The following CDH18 variants were observed in gnomAD, a reference collection of about 807,000 sequenced individuals.
CDH18 encodes the protein cadherin 18.
CDH18 carries 31 observed loss-of-function variants against 67.9 expected under a neutral mutation model. The observed-to-expected ratio is 0.46, with a 90% CI of 0.34 to 0.62. CDH18 has a LOEUF of 0.62. Among genes scored for constraint, CDH18 ranks in the 20% least tolerant of loss-of-function variants. CDH18 has a pLI of 0.01. For synonymous variants in CDH18, 362 were observed against 347.2 expected (o/e 1.04, Z -0.48); for missense variants, 890 against 975.5 (o/e 0.91, Z 1.17).
intron 5 of CDH18, among the ~76,000 whole-genome samples, chr5:19,616,048 A>G (rs1749778709): frequency 6.6e-6 from 1 of 152,178 alleles, no homozygotes; most frequent in African/African-American, 2.4e-5. Flanking sequence ...GGTAAACACA[A>G]ATAAGTGTGG....
At chr5:19,953,871 A>T (rs112877768) in intron 2 of CDH18, among the ~76,000 whole-genome samples, 3 of 152,132 alleles carry the variant, frequency 2.0e-5, no homozygotes, top group African/African-American at 7.2e-5. Context: ...AGGGGAGTTA[A>T]ATGGAAAAAG....
At chr5:19,928,601 C>T (rs2150191089) in intron 2 of CDH18, among the ~76,000 whole-genome samples, 1 of 152,202 alleles carries the variant, frequency 6.6e-6, no homozygotes, top group African/African-American at 2.4e-5. Context: ...ATACACAATA[C>T]TCCTGTGTGA....
At chr5:19,900,165 C>T (rs955379474) in intron 2 of CDH18, among the ~76,000 whole-genome samples, 2 of 152,026 alleles carry the variant, frequency 1.3e-5, no homozygotes, top group African/African-American at 4.8e-5. Flanking sequence ...CAGGTAATCT[C>T]ACTCAAATGT....
chr5:19,582,682 A>G (rs1173815420), intron 7 of CDH18, among the ~76,000 whole-genome samples: 1 of 152,064 alleles, frequency 6.6e-6, no homozygotes, highest in Non-Finnish European at 1.5e-5. Context: ...GCAGTCCATT[A>G]GAATTAGAAA....
intron 8 of CDH18, among the ~76,000 whole-genome samples, chr5:19,563,409 C>T (rs1296540809): frequency 6.6e-6 from 1 of 152,082 alleles, no homozygotes; most frequent in Non-Finnish European, 1.5e-5. Flanking sequence ...GGTCCATGGC[C>T]AACAGACAGA....
At chr5:20,540,569 G>A (rs1756997674) in intron 1 of CDH18, among the ~76,000 whole-genome samples, 1 of 152,150 alleles carries the variant, frequency 6.6e-6, no homozygotes, top group Non-Finnish European at 1.5e-5. Context: ...GTGATATAAT[G>A]TTTTTGAGTG....
chr5:19,698,717 A>G (rs1039520034), intron 5 of CDH18, among the ~76,000 whole-genome samples: 1 of 152,106 alleles, frequency 6.6e-6, no homozygotes, highest in Non-Finnish European at 1.5e-5. Context: ...TACATAAATG[A>G]CACCTTTGAA....
chr5:20,004,177 T>C lies in CDH18; in HGVS notation c.-517-12163A>G, dbSNP rs546585744. Among the ~76,000 whole-genome samples the C allele has an allele frequency of 2.6e-5, 4 of 152,342 alleles. No homozygotes were observed. The East Asian group carries it at 7.7e-4, about 29-fold the overall frequency. On this transcript the variant is annotated intron_variant, in intron 2 of 14. Transcript: ENST00000507958. ...GCAAGGCCACGACATGGTCTGGATC[T>C]GGCTGGAATGATTTTTACTATTTTT...
chr5:20,084,365 C>T (rs1744757906), intron 2 of CDH18, among the ~76,000 whole-genome samples: 2 of 152,218 alleles, frequency 1.3e-5, no homozygotes, highest in Admixed American at 6.5e-5. Context: ...TGGGCAGCTC[C>T]ACCCCTGTGG....
At chr5:20,364,088 C>A (rs1046857825) in intron 1 of CDH18, among the ~76,000 whole-genome samples, 6 of 152,014 alleles carry the variant, frequency 3.9e-5, no homozygotes, top group African/African-American at 1.4e-4. Flanking sequence ...ACATTGAAGG[C>A]AGGAGATGCT....
At chr5:20,566,319 G>A (rs1458532830) in intron 1 of CDH18, among the ~76,000 whole-genome samples, 1 of 151,070 alleles carries the variant, frequency 6.6e-6, no homozygotes, top group Non-Finnish European at 1.5e-5. Flanking sequence ...CACTCAGATG[G>A]CCTTAAAAGC....
intron 5 of CDH18, among the ~76,000 whole-genome samples, chr5:19,698,207 T>C (rs1404532100): frequency 1.3e-5 from 2 of 152,148 alleles, no homozygotes; most frequent in Admixed American, 6.5e-5. Context: ...AGTGAAAGGA[T>C]TAATGTTCTC....
At chr5:20,236,241 T>A (rs966682792) in intron 2 of CDH18, among the ~76,000 whole-genome samples, 1 of 150,614 alleles carries the variant, frequency 6.6e-6, no homozygotes, top group African/African-American at 2.4e-5. Flanking sequence ...TTGAAAAAAA[T>A]AATAAATAAA....
chr5:20,430,329 A>G (rs1490262838), intron 1 of CDH18, among the ~76,000 whole-genome samples: 1 of 152,140 alleles, frequency 6.6e-6, no homozygotes, highest in African/African-American at 2.4e-5. Context: ...TGTTTTCATC[A>G]TGTAAGGTGA....
intron 3 of CDH18, among the ~76,000 whole-genome samples, chr5:19,836,504 T>C (rs1398412972): frequency 6.6e-6 from 1 of 152,206 alleles, no homozygotes; most frequent in Non-Finnish European, 1.5e-5. Context: ...TGCCTACTTT[T>C]TGAAGGGGGT....
intron 12 of CDH18, among the ~76,000 whole-genome samples, chr5:19,475,295 T>C (rs1014093097): frequency 6.6e-6 from 1 of 150,860 alleles, no homozygotes; most frequent in African/African-American, 2.4e-5. Context: ...AAAAATGCAT[T>C]TGATACACAT....
At chr5:20,445,363 T>C (rs896443530) in intron 1 of CDH18, among the ~76,000 whole-genome samples, 13 of 152,196 alleles carry the variant, frequency 8.5e-5, no homozygotes, top group Non-Finnish European at 1.6e-4. Flanking sequence ...GTGTGACAGA[T>C]ACAAACAGAC....
At chr5:20,463,598 G>A (rs182620936) in intron 1 of CDH18, among the ~76,000 whole-genome samples, 10 of 152,220 alleles carry the variant, frequency 6.6e-5, no homozygotes, top group Admixed American at 6.6e-4. Context: ...TCAGTTTCAT[G>A]AGAACAGCAT....
intron 4 of CDH18, among the ~76,000 whole-genome samples, chr5:19,728,560 A>C (rs1302232512): frequency 6.6e-6 from 1 of 152,146 alleles, no homozygotes; most frequent in Non-Finnish European, 1.5e-5. Context: ...CTGCTTTATA[A>C]ACAGCACGTA....
Sources: gnomAD v4.1 joint callset for allele counts (sites outside exome capture counted in the v4.1 genomes callset) on GRCh38, gnomAD v4.1.1 for gene constraint, MANE v1.5 for transcripts, NCBI Gene and HGNC (gene_info 2026-07-23, HGNC 2026-07-21) for gene names.